BHMT2: variants seen among roughly 807,000 people sequenced by gnomAD.
BHMT2 encodes betaine--homocysteine S-methyltransferase 2.
In BHMT2, 28 loss-of-function variants were observed where a neutral mutation model predicts 39.0. That is an observed-to-expected ratio of 0.72 (90% CI 0.53 to 0.98). The LOEUF (loss-of-function observed/expected upper bound fraction) is 0.98, where lower values mean the gene tolerates loss of function less well. Among genes scored for constraint, BHMT2 ranks in the 50% least tolerant of loss-of-function variants. BHMT2 has a pLI of 0.00. For synonymous variants in BHMT2, 145 were observed against 160.6 expected, an observed-to-expected ratio of 0.90 and a Z score of 0.74; for missense variants, 410 against 455.6, an observed-to-expected ratio of 0.90 and a Z score of 0.91.
At chr5:79,075,996 G>A (rs1051885353) in intron 1 of BHMT2, among the ~76,000 whole-genome samples, 1 of 152,196 alleles carries the variant, frequency 6.6e-6, no homozygotes, top group Non-Finnish European at 1.5e-5. Context: ...AGCTCAATTA[G>A]ACCCTCCGCC....
At chr5:79,075,857 C>A (rs1337584479) in intron 1 of BHMT2, among the ~76,000 whole-genome samples, 1 of 152,166 alleles carries the variant, frequency 6.6e-6, no homozygotes, top group Non-Finnish European at 1.5e-5. Flanking sequence ...GCTTAAACCC[C>A]TAGGGGGAGC....
intron 7 of BHMT2, 42 bp downstream of exon 7, chr5:79,083,898 T>C (rs571161240): frequency 7.7e-6 from 12 of 1,555,996 alleles, no homozygotes; most frequent in Middle Eastern, 1.7e-4. Context: ...TTTCCTTTAA[T>C]CTCATTTTAT....
At chr5:79,075,680 GC>G (rs1447535120) in intron 1 of BHMT2, among the ~76,000 whole-genome samples, 3 of 152,146 alleles carry the variant, frequency 2.0e-5, no homozygotes, top group Non-Finnish European at 4.4e-5. Flanking sequence ...CTCAGGGAAG[GC>G]ATCTCTGAAA....
intron 1 of BHMT2, among the ~76,000 whole-genome samples, chr5:79,071,845 AC>A: frequency 6.9e-6 from 1 of 144,518 alleles, no homozygotes; most frequent in African/African-American, 2.6e-5. Context: ...AAAAAAAAAA[AC>A]TAAAGAAGGG....
At chr5:79,084,494 G>A (rs547432154) in intron 7 of BHMT2, among the ~76,000 whole-genome samples, 5 of 152,102 alleles carry the variant, frequency 3.3e-5, no homozygotes, top group Admixed American at 3.3e-4. Flanking sequence ...GGCTGGTCTC[G>A]AACTCCTGAC....
intron 7 of BHMT2, among the ~76,000 whole-genome samples, chr5:79,086,567 T>TG (rs1755900322): frequency 6.6e-6 from 1 of 152,210 alleles, no homozygotes; most frequent in African/African-American, 2.4e-5. Context: ...GTAGTATGCA[T>TG]GGGACCATGG....
chr5:79,072,388 ATAC>A (rs1392501826), intron 1 of BHMT2, among the ~76,000 whole-genome samples: 1 of 152,252 alleles, frequency 6.6e-6, no homozygotes, highest in East Asian at 1.9e-4. Flanking sequence ...GTCAAAATAT[ATAC>A]TACAATTTTC....
chr5:79,072,288 G>T (rs2079898640), intron 1 of BHMT2, among the ~76,000 whole-genome samples: 1 of 151,210 alleles, frequency 6.6e-6, no homozygotes, highest in South Asian at 2.1e-4. Flanking sequence ...AGAAAGAAAA[G>T]AAAAGAAAAA....
intron 5 of BHMT2, 95 bp from the exon 6 acceptor site, chr5:79,083,097 G>A: frequency 6.4e-7 from 1 of 1,573,668 alleles, no homozygotes; most frequent in Non-Finnish European, 8.7e-7. Context: ...GTGGGAGGTG[G>A]AGGGGAATGG....
chr5:79,081,510 C>T (rs1017079906), intron 4 of BHMT2, among the ~76,000 whole-genome samples: 1 of 152,198 alleles, frequency 6.6e-6, no homozygotes, highest in Non-Finnish European at 1.5e-5. Flanking sequence ...CATTTCCCAA[C>T]ATAACTGCTA....
At chr5:79,075,758 G>A (rs1294583325) in intron 1 of BHMT2, among the ~76,000 whole-genome samples, 1 of 152,222 alleles carries the variant, frequency 6.6e-6, no homozygotes, top group Admixed American at 6.5e-5. Flanking sequence ...GGGGAGATGT[G>A]CTTTAGACCA....
chr5:79,081,222 G>A (rs1755783715), intron 4 of BHMT2, among the ~76,000 whole-genome samples: 1 of 152,162 alleles, frequency 6.6e-6, no homozygotes, highest in South Asian at 2.1e-4. Context: ...ATCCACACAG[G>A]AGGGCACTGC....
chr5:79,080,535 G>T, intron 3 of BHMT2, 152 bp from the exon 4 acceptor site: 1 of 609,712 alleles, frequency 1.6e-6, no homozygotes, highest in Non-Finnish European at 2.8e-6. Flanking sequence ...GGTAACAGAG[G>T]AGATTGTACC....
chr5:79,083,447 C>A, intron 6 of BHMT2, 73 bp downstream of exon 6: 2 of 1,514,048 alleles, frequency 1.3e-6, no homozygotes, highest in South Asian at 1.3e-5. Context: ...TAAATTGTGG[C>A]CCAGTTTTAC....
Position 79,082,930 on chromosome 5 carries a change from A to T in BHMT2, c.572A>T (p.Glu191Val). 6.2e-7 allele frequency: 1 copy of T among 1,614,168 alleles called. No homozygotes were observed. The highest frequency in any genetic ancestry group is 8.5e-7 in the Non-Finnish European group (1 of 1,180,036). The change falls in exon 5 of 8, where the codon GAA becomes GTA. Residue 191 changes from glutamate (E) to valine (V), a missense_variant. Glu to Val is a moderately radical substitution (Grantham distance 121). Coordinates refer to ENST00000255192, the MANE Select transcript of BHMT2 (RefSeq NM_017614.5). ...GACATGCATGATATAACCCCCGGAG[A>T]ATGTGCTGTGAGGCTGGTGAAGGCA... ...EGDMHDITPG[E>V]CAVRLVKAGA...
In BHMT2 at chr5:79,082,874, G is replaced by A. The variant is rs372637875; in HGVS notation, c.516G>A (p.Val172=). The change falls in exon 5 of 8, where the codon GTG becomes GTA. Residue 172 remains valine, a synonymous_variant. Coordinates refer to ENST00000255192, the MANE Select transcript of BHMT2 (RefSeq NM_017614.5). ...TCTTAAAAGAATCAGATAGACCCGT[G>A]GCAGTTACCATGTGCATAGGCCCAG... is the stretch of plus-strand genomic sequence containing the variant. ...VEVLKESDRP[V]AVTMCIGPEG... The A allele has an allele frequency of 2.5e-6, 4 of 1,614,126 alleles. No individual in the cohort carries two copies. The highest frequency in any genetic ancestry group is 3.4e-6 in the Non-Finnish European group (4 of 1,180,034).
rs1755693448 is a variant in BHMT2, at chr5:79,077,472, T to C, written c.34-8T>C. 1 of 1,604,410 alleles carries C rather than the reference T, an allele frequency of 6.2e-7. No homozygotes were observed. The highest frequency in any genetic ancestry group is 8.5e-7 in the Non-Finnish European group (1 of 1,177,508). On this transcript the variant is annotated splice_polypyrimidine_tract_variant and splice_region_variant and intron_variant, in intron 1 of 7. Transcript: ENST00000255192. The stretch of plus-strand genomic sequence containing the variant: ...GCGGAGCTTAGGTGCTTTTTTTCTC[T>C]TCTTCAGGGGATTTTGGAGCGCCTG...
In BHMT2 at chr5:79,083,644, T is replaced by C. The variant is rs1232570030; in HGVS notation, c.798T>C (p.Val266=). The C allele has an allele frequency of 6.2e-6, 10 of 1,613,864 alleles. No individual in the cohort carries two copies. Among genetic ancestry groups the C allele is most frequent in the Non-Finnish European group, 8.5e-6 (10 of 1,179,918 alleles). ...GTGATTCAGGACTGGAGTCCAGAGT[T>C]GCCACCAGATGGGATATTCAAAAAT... ...PEYPFGLESR[V]ATRWDIQKYA... is the part of the protein sequence containing the mutation. The change falls in exon 7 of 8, where the codon GTT becomes GTC. Residue 266 remains valine (V), a synonymous_variant. Transcript: ENST00000255192.
intron 1 of BHMT2, 60 bp from the exon 2 acceptor site, chr5:79,077,420 G>A: frequency 1.3e-6 from 2 of 1,551,228 alleles, no homozygotes; most frequent in Non-Finnish European, 1.7e-6. Context: ...ATTAGAAAAT[G>A]CTTTTAGGAA....
Sources: gnomAD v4.1 joint callset for allele counts (sites outside exome capture counted in the v4.1 genomes callset) on GRCh38, gnomAD v4.1.1 for gene constraint, MANE v1.5 for transcripts, NCBI Gene and HGNC (gene_info 2026-07-23, HGNC 2026-07-21) for gene names.